Variants in ZNF362 observed in about 807,000 individuals in gnomAD.
The protein encoded by ZNF362 is rotund homolog.
Under a neutral mutation model 42.9 loss-of-function variants are expected in ZNF362, and 11 were observed. The observed-to-expected ratio is 0.26, with a 90% CI of 0.16 to 0.42. ZNF362 has a LOEUF of 0.42. Ranked by LOEUF, ZNF362 falls within the 20% of genes least tolerant of loss-of-function variation. The pLI, the probability that ZNF362 is intolerant of heterozygous loss-of-function variation, is 1.00. For missense variants in ZNF362, 362 were observed against 576.2 expected, an observed-to-expected ratio of 0.63 and a Z score of 3.81; for synonymous variants, 255 against 257.3, an observed-to-expected ratio of 0.99 and a Z score of 0.09.
the ZNF362 span, among the ~76,000 whole-genome samples, chr1:33,171,251 G>T: frequency 6.6e-6 from 1 of 152,228 alleles, no homozygotes; most frequent in East Asian, 1.9e-4. Context: ...CCTGAGGAAG[G>T]ACACTGGTAA....
the ZNF362 span, among the ~76,000 whole-genome samples, chr1:33,214,120 A>G: frequency 6.6e-6 from 1 of 152,180 alleles, no homozygotes; most frequent in African/African-American, 2.4e-5. Context: ...AAGACACAAA[A>G]TAAGATAGAA....
At chr1:33,139,555 G>A in the ZNF362 span, among the ~76,000 whole-genome samples, 18 of 152,170 alleles carry the variant, frequency 1.2e-4, no homozygotes, top group Non-Finnish European at 2.4e-4. Context: ...GAAAAGGAGG[G>A]CATTAGGTAG....
At chr1:33,256,251 GC>G (rs1474586413), upstream of ZNF362, among the ~76,000 whole-genome samples, 3 of 137,654 alleles carry the variant, frequency 2.2e-5, no homozygotes, top group Non-Finnish European at 4.8e-5. Flanking sequence ...CGCGCGGCCC[GC>G]CCCCGCCCCC....
the ZNF362 span, among the ~76,000 whole-genome samples, chr1:33,215,112 GAATA>G: frequency 1.3e-5 from 2 of 152,064 alleles, no homozygotes; most frequent in Non-Finnish European, 2.9e-5. Context: ...CCAAATAGAT[GAATA>G]AATAAAGAAA....
chr1:33,220,014 A>C, the ZNF362 span, among the ~76,000 whole-genome samples: 1 of 152,182 alleles, frequency 6.6e-6, no homozygotes, highest in African/African-American at 2.4e-5. Flanking sequence ...GGGAAACTGG[A>C]AAAATGGGTT....
chr1:33,160,606 T>C, the ZNF362 span, among the ~76,000 whole-genome samples: 1 of 152,206 alleles, frequency 6.6e-6, no homozygotes, highest in Non-Finnish European at 1.5e-5. Context: ...GGTTTCACCA[T>C]GTTGGCCAGG....
chr1:33,242,303 G>A, the ZNF362 span, among the ~76,000 whole-genome samples: 2 of 152,148 alleles, frequency 1.3e-5, no homozygotes, highest in Admixed American at 6.5e-5. Flanking sequence ...AGATCAGAAG[G>A]TAAAGGGACA....
At chr1:33,141,134 G>A in the ZNF362 span, among the ~76,000 whole-genome samples, 1 of 151,952 alleles carries the variant, frequency 6.6e-6, no homozygotes, top group Non-Finnish European at 1.5e-5. Context: ...CACACCCCAG[G>A]GAGGACTTCC....
At chr1:33,212,107 G>A in the ZNF362 span, among the ~76,000 whole-genome samples, 1 of 152,118 alleles carries the variant, frequency 6.6e-6, no homozygotes, top group South Asian at 2.1e-4. Flanking sequence ...AGATCTGGTT[G>A]TTAAAAAGTG....
chr1:33,189,666 T>TATATACAC, the ZNF362 span, among the ~76,000 whole-genome samples: 6 of 31,804 alleles, frequency 1.9e-4, no homozygotes, highest in Admixed American at 2.5e-3. Context: ...TATATATATA[T>TATATACAC]ATATATGTAT....
chr1:33,217,674 A>G, the ZNF362 span, among the ~76,000 whole-genome samples: 3 of 152,214 alleles, frequency 2.0e-5, no homozygotes, highest in African/African-American at 4.8e-5. Flanking sequence ...AATTTAAACC[A>G]TAAGAGAAGT....
At chr1:33,197,114 C>T in the ZNF362 span, among the ~76,000 whole-genome samples, 1 of 152,214 alleles carries the variant, frequency 6.6e-6, no homozygotes, top group Non-Finnish European at 1.5e-5. Context: ...TCCTCCTGCT[C>T]TTGGACATCA....
At chr1:33,228,452 A>G in the ZNF362 span, among the ~76,000 whole-genome samples, 3 of 152,280 alleles carry the variant, frequency 2.0e-5, no homozygotes, top group East Asian at 5.8e-4. Flanking sequence ...CCACACAGAC[A>G]TCTAAAAGGT....
the ZNF362 span, among the ~76,000 whole-genome samples, chr1:33,141,239 A>G: frequency 4.0e-5 from 6 of 150,918 alleles, no homozygotes; most frequent in Admixed American, 1.3e-4. Flanking sequence ...AGACCTTCTT[A>G]GATGTGGGAC....
At chr1:33,258,208 G>T (rs928489802) in intron 1 of ZNF362, among the ~76,000 whole-genome samples, 1 of 152,186 alleles carries the variant, frequency 6.6e-6, no homozygotes, top group Non-Finnish European at 1.5e-5. Context: ...GAAGTATCTT[G>T]CTGGACAGGT....
At chr1:33,175,934 T>A in the ZNF362 span, among the ~76,000 whole-genome samples, 103 of 152,200 alleles carry the variant, frequency 6.8e-4, no homozygotes, top group African/African-American at 2.5e-3. Flanking sequence ...CATCTTGGGG[T>A]CCCCAATGTT....
At chr1:33,162,514 G>A in the ZNF362 span, among the ~76,000 whole-genome samples, 5 of 152,176 alleles carry the variant, frequency 3.3e-5, no homozygotes, top group East Asian at 1.9e-4. Context: ...CATCTCCCTC[G>A]GCTCTGCACC....
At chr1:33,259,301 C>T (rs1285935691) in intron 1 of ZNF362, among the ~76,000 whole-genome samples, 4 of 152,232 alleles carry the variant, frequency 2.6e-5, no homozygotes, top group Non-Finnish European at 5.9e-5. Context: ...TAACGGCCAG[C>T]GCTCCATGGA....
chr1:33,155,025 A>G, the ZNF362 span, among the ~76,000 whole-genome samples: 3 of 145,604 alleles, frequency 2.1e-5, no homozygotes, highest in East Asian at 2.3e-4. Context: ...CCCGGGAGGC[A>G]GACCTTGCAG....
Sources: gnomAD v4.1 joint callset for allele counts (sites outside exome capture counted in the v4.1 genomes callset) on GRCh38, gnomAD v4.1.1 for gene constraint, MANE v1.5 for transcripts, NCBI Gene and HGNC (gene_info 2026-07-23, HGNC 2026-07-21) for gene names.